Variants in SRPK2 observed in about 807,000 individuals in gnomAD.
The protein encoded by SRPK2 is SRSF protein kinase 2.
Under a neutral mutation model 90.8 loss-of-function variants are expected in SRPK2, and 21 were observed. The observed-to-expected ratio is 0.23, with a 90% CI of 0.16 to 0.33. The LOEUF (loss-of-function observed/expected upper bound fraction) is 0.33, where lower values mean the gene tolerates loss of function less well. Among genes scored for constraint, SRPK2 ranks in the 10% least tolerant of loss-of-function variants. SRPK2 has a pLI of 1.00. For synonymous variants in SRPK2, 288 were observed against 311.1 expected (o/e 0.93, Z 0.78); for missense variants, 620 against 869.0 (o/e 0.71, Z 3.60).
At chr7:105,143,620 G>A (rs773039270) in intron 9 of SRPK2, 11 of 362,598 alleles carry the variant, frequency 3.0e-5, no homozygotes, top group East Asian at 2.7e-4. Flanking sequence ...ACTGAAGTTC[G>A]AAATTCTCTT....
intron 7 of SRPK2, among the ~76,000 whole-genome samples, chr7:105,157,120 A>G (rs948796270): frequency 6.6e-6 from 1 of 152,212 alleles, no homozygotes; most frequent in African/African-American, 2.4e-5. Flanking sequence ...AAAGCCTGTG[A>G]AAAGGTACTA....
rs868173531 is a variant in SRPK2 at position 105,397,390 on chromosome 7, C to G, written n.153+1766G>C. On this transcript the variant is annotated intron_variant and non_coding_transcript_variant, in intron 1 of 3. Coordinates refer to the SRPK2 transcript ENST00000462282. ...TGTTGCCCAGGCTGGAGCACAGTGG[C>G]ATGATCTCGCCTCACTGCAACCTCC... Among the ~76,000 whole-genome samples, 17 of 150,390 alleles carry G rather than the reference C, an allele frequency of 1.1e-4. 1 individual carries two copies. The Middle Eastern group carries it at 0.01, about 92-fold the overall frequency.
intron 2 of SRPK2, among the ~76,000 whole-genome samples, chr7:105,334,368 A>G (rs919732901): frequency 6.6e-5 from 10 of 151,762 alleles, no homozygotes; most frequent in Admixed American, 2.6e-4. Context: ...GTGAGCCACC[A>G]CGCCCGGCCA....
At chr7:105,327,947 G>GCC (rs1813783825) in intron 2 of SRPK2, among the ~76,000 whole-genome samples, 4 of 152,082 alleles carry the variant, frequency 2.6e-5, no homozygotes, top group Admixed American at 2.6e-4. Flanking sequence ...ACTACAAGAA[G>GCC]CCACCACCAC....
intron 7 of SRPK2, among the ~76,000 whole-genome samples, chr7:105,151,817 AG>A (rs1382165836): frequency 6.6e-6 from 1 of 152,142 alleles, no homozygotes; most frequent in African/African-American, 2.4e-5. Context: ...TGAGGTCTGG[AG>A]TTCAAGACCA....
At chr7:105,365,437 G>T (rs1350795054) in intron 2 of SRPK2, among the ~76,000 whole-genome samples, 1 of 139,638 alleles carries the variant, frequency 7.2e-6, no homozygotes, top group Non-Finnish European at 1.5e-5. Flanking sequence ...AGTGAGCCGA[G>T]ATTGCACCAT....
chr7:105,304,280 T>C (rs746050179), intron 2 of SRPK2: 5 of 152,220 alleles, frequency 3.3e-5, no homozygotes, highest in Non-Finnish European at 7.3e-5. Flanking sequence ...ACAACCCAGA[T>C]TGCCTATCCA....
upstream of SRPK2, chr7:105,389,411 C>A: frequency 8.1e-7 from 1 of 1,232,226 alleles, no homozygotes; most frequent in Non-Finnish European, 1.0e-6. Context: ...GGAAAGGGCA[C>A]ACGACCAAAA....
At chr7:105,362,240 T>C (rs1818508300) in intron 2 of SRPK2, among the ~76,000 whole-genome samples, 1 of 152,176 alleles carries the variant, frequency 6.6e-6, no homozygotes, top group South Asian at 2.1e-4. Context: ...TCATCATCAC[T>C]GGCCATCAGA....
chr7:105,248,436 T>TAAAA (rs56040288), intron 2 of SRPK2, among the ~76,000 whole-genome samples: 36 of 127,874 alleles, frequency 2.8e-4, no homozygotes, highest in African/African-American at 9.8e-4. Flanking sequence ...ACAAAAAATT[T>TAAAA]AAAAAAAAAA....
upstream of SRPK2, chr7:105,389,403 A>C (rs1443485997): frequency 1.6e-6 from 2 of 1,243,440 alleles, no homozygotes; most frequent in Admixed American, 2.6e-5. Context: ...GCAGGCGTGG[A>C]AAGGGCACAC....
At chr7:105,142,580 T>C (rs1803953629) in intron 10 of SRPK2, 90 bp from the exon 11 acceptor site, 2 of 1,487,236 alleles carry the variant, frequency 1.3e-6, no homozygotes, top group African/African-American at 1.4e-5. Context: ...AAAATACATT[T>C]TGAATATGCT....
chr7:105,344,350 T>G (rs1816194442), intron 2 of SRPK2, among the ~76,000 whole-genome samples: 1 of 150,070 alleles, frequency 6.7e-6, no homozygotes, highest in East Asian at 2.0e-4. Context: ...TGGGCTCAAG[T>G]GATCCTCCCA....
At chr7:105,175,139 CAAA>C (rs377120080) in intron 3 of SRPK2, among the ~76,000 whole-genome samples, 1 of 115,886 alleles carries the variant, frequency 8.6e-6, no homozygotes, top group Non-Finnish European at 1.8e-5. Context: ...AACTCCGTTT[CAAA>C]AAAAAAAAAA....
chr7:105,224,904 A>T (rs1798528745), intron 2 of SRPK2, among the ~76,000 whole-genome samples: 1 of 152,236 alleles, frequency 6.6e-6, no homozygotes, highest in Non-Finnish European at 1.5e-5. Context: ...AAAAAGCCCC[A>T]ATCTTAAAAC....
chr7:105,338,483 G>A (rs544457232), intron 2 of SRPK2, among the ~76,000 whole-genome samples: 3 of 152,106 alleles, frequency 2.0e-5, no homozygotes, highest in African/African-American at 4.8e-5. Flanking sequence ...CTGACCTCAG[G>A]TGGATCCACC....
chr7:105,218,473 C>T (rs563978349), intron 2 of SRPK2, among the ~76,000 whole-genome samples: 7 of 152,186 alleles, frequency 4.6e-5, no homozygotes, highest in African/African-American at 1.4e-4. Flanking sequence ...CCATCTCTAA[C>T]GGGTGTCAAC....
intron 15 of SRPK2, among the ~76,000 whole-genome samples, chr7:105,122,471 C>T (rs985070752): frequency 1.3e-5 from 2 of 152,156 alleles, no homozygotes; most frequent in Non-Finnish European, 2.9e-5. Flanking sequence ...AGAGGAGTGG[C>T]AGTGACAACG....
intron 2 of SRPK2, among the ~76,000 whole-genome samples, chr7:105,368,291 T>G (rs995927178): frequency 1.3e-5 from 2 of 152,278 alleles, no homozygotes; most frequent in East Asian, 3.9e-4. Context: ...GCATCTTCCA[T>G]CCCACTCTCA....
Sources: gnomAD v4.1 joint callset for allele counts (sites outside exome capture counted in the v4.1 genomes callset) on GRCh38, gnomAD v4.1.1 for gene constraint, MANE v1.5 for transcripts, NCBI Gene and HGNC (gene_info 2026-07-23, HGNC 2026-07-21) for gene names.